Variants in GLYR1 observed in about 807,000 individuals in gnomAD.
GLYR1 encodes the protein glyoxylate reductase 1 homolog.
Under a neutral mutation model 72.7 loss-of-function variants are expected in GLYR1, and 21 were observed. The ratio of observed to expected loss-of-function variants is 0.29; its 90% CI spans 0.20 to 0.42. The LOEUF (loss-of-function observed/expected upper bound fraction) is 0.42. GLYR1 is among the 10% of genes least tolerant of loss of function. The pLI is 1.00. For missense variants in GLYR1, 594 were observed against 712.1 expected (o/e 0.83, Z 1.89); for synonymous variants, 392 against 270.2 (o/e 1.45, Z -4.42).
At chr16:4,814,390 C>A in intron 11 of GLYR1, 147 bp downstream of exon 11, 1 of 665,678 alleles carries the variant, frequency 1.5e-6, no homozygotes, top group Non-Finnish European at 2.7e-6. Flanking sequence ...AATGCAAACA[C>A]CCTTCACAAT....
intron 3 of GLYR1, among the ~76,000 whole-genome samples, chr16:4,835,368 A>G (rs2085063979): frequency 6.6e-6 from 1 of 152,176 alleles, no homozygotes; most frequent in Non-Finnish European, 1.5e-5. Context: ...CACTCACTTT[A>G]AAGCATTTGA....
At chr16:4,838,498 A>C (rs2085311910) in intron 3 of GLYR1, among the ~76,000 whole-genome samples, 1 of 152,164 alleles carries the variant, frequency 6.6e-6, no homozygotes, top group South Asian at 2.1e-4. Flanking sequence ...CAATCTGTTG[A>C]ACCGGTTGGT....
intron 5 of GLYR1, among the ~76,000 whole-genome samples, chr16:4,824,414 C>T (rs938060769): frequency 2.7e-5 from 4 of 150,038 alleles, no homozygotes; most frequent in African/African-American, 9.8e-5. Flanking sequence ...GCAGAAGAAT[C>T]GCTTGAACCG....
intron 12 of GLYR1, 116 bp from the exon 13 acceptor site, chr16:4,812,364 G>T: frequency 8.7e-7 from 1 of 1,146,186 alleles, no homozygotes; most frequent in African/African-American, 1.6e-5. Flanking sequence ...GAGCTGGAGG[G>T]GACGGCCACC....
chr16:4,843,365 G>T, intron 3 of GLYR1: 1 of 641,098 alleles, frequency 1.6e-6, no homozygotes, highest in Non-Finnish European at 2.1e-6. Flanking sequence ...ATGTTGGCCA[G>T]GATGGTCTCG....
At chr16:4,810,906 A>G (rs993980383) in intron 15 of GLYR1, among the ~76,000 whole-genome samples, 4 of 151,632 alleles carry the variant, frequency 2.6e-5, no homozygotes, top group African/African-American at 9.7e-5. Flanking sequence ...GGAGTTCGAG[A>G]CCAGCCTGAA....
At chr16:4,843,595 G>A (rs761682714) in intron 3 of GLYR1, 19 of 1,288,984 alleles carry the variant, frequency 1.5e-5, no homozygotes, top group Non-Finnish European at 1.9e-5. Context: ...AAATGGGGCT[G>A]GGTCTATCTG....
chr16:4,823,214 A>C (rs1218642594), intron 6 of GLYR1, among the ~76,000 whole-genome samples: 1 of 152,266 alleles, frequency 6.6e-6, no homozygotes, highest in Non-Finnish European at 1.5e-5. Context: ...ATTAACAAGC[A>C]TACCTGTGCT....
intron 3 of GLYR1, among the ~76,000 whole-genome samples, chr16:4,841,710 T>C (rs1335240900): frequency 6.6e-6 from 1 of 152,158 alleles, no homozygotes; most frequent in Non-Finnish European, 1.5e-5. Flanking sequence ...TTCAGGCTCC[T>C]TATGAGACTG....
chr16:4,846,854 G>C, intron 1 of GLYR1: 1 of 329,936 alleles, frequency 3.0e-6, no homozygotes, highest in South Asian at 3.4e-5. Context: ...GCCAGATCTC[G>C]CAGGTCCGGT....
chr16:4,807,569 C>T (rs2141937951), intron 15 of GLYR1, among the ~76,000 whole-genome samples: 1 of 152,272 alleles, frequency 6.6e-6, no homozygotes, highest in Middle Eastern at 3.4e-3. Context: ...AGAACCTAAC[C>T]TCTGAACTCC....
intron 9 of GLYR1, among the ~76,000 whole-genome samples, chr16:4,820,090 C>CG (rs1442421671): frequency 1.3e-5 from 2 of 152,042 alleles, no homozygotes; most frequent in Non-Finnish European, 2.9e-5. Context: ...CTCCACCTCC[C>CG]GGGTTCAAGC....
At chr16:4,808,186 A>C (rs1362761761) in intron 15 of GLYR1, among the ~76,000 whole-genome samples, 1 of 148,172 alleles carries the variant, frequency 6.7e-6, no homozygotes, top group East Asian at 2.0e-4. Flanking sequence ...CAGTGAACTG[A>C]GATCATGTCA....
At position 4,821,430 on chromosome 16, in the gene GLYR1, C is replaced by G; in HGVS notation, c.756G>C (p.Gln252His). Residue 252 changes from glutamine to histidine, a missense_variant, in exon 9 of 16, where the codon CAG becomes CAC. Gln to His is a conservative substitution (Grantham distance 24). Around this residue, in one of 5 missense-constraint regions of GLYR1, gnomAD observed 266 missense variants for 358.4 expected, o/e 0.74. Transcript: ENST00000321919. ...CEEETGSTSI[Q>H]AADSTAVNGS... Reference sequence around the variant, plus strand: ...CATTCACGGCTGTGCTGTCAGCTGCCTGGATGGAGGTGGAGCCAGTTTCCT... The same window carrying G: ...CATTCACGGCTGTGCTGTCAGCTGCGTGGATGGAGGTGGAGCCAGTTTCCT... The G allele has an allele frequency of 1.2e-6, 2 of 1,613,862 alleles. No homozygotes were observed. The highest frequency in any genetic ancestry group is 1.7e-6 in the Non-Finnish European group (2 of 1,180,056).
chr16:4,809,625 A>G (rs1480874308), intron 15 of GLYR1, among the ~76,000 whole-genome samples: 1 of 151,296 alleles, frequency 6.6e-6, no homozygotes, highest in Admixed American at 6.6e-5. Flanking sequence ...AAAAAAAAAA[A>G]AAAAAATCAT....
At chr16:4,817,053 C>T (rs2083685315) in intron 10 of GLYR1, among the ~76,000 whole-genome samples, 1 of 151,594 alleles carries the variant, frequency 6.6e-6, no homozygotes, top group Admixed American at 6.6e-5. Context: ...AAGTTATTCT[C>T]CTGCCTCAGC....
chr16:4,811,580 A>C, intron 14 of GLYR1, 43 bp downstream of exon 14: 1 of 1,607,964 alleles, frequency 6.2e-7, no homozygotes. Flanking sequence ...ACCCTGCTCT[A>C]ATCAAACACC....
chr16:4,817,702 A>T lies in GLYR1; in HGVS notation c.807-5T>A, dbSNP rs2083737561. 1 of 1,578,188 alleles carries T rather than the reference A, an allele frequency of 6.3e-7. No homozygotes were observed. The highest frequency in any genetic ancestry group is 8.7e-7 in the Non-Finnish European group (1 of 1,147,460). ...CCAAGGCCCAAAAATCCTATCCTGAAACAGAGAGAGACTGATGAGTTCAGG... is the reference window on the plus strand; with the variant it reads ...CCAAGGCCCAAAAATCCTATCCTGATACAGAGAGAGACTGATGAGTTCAGG... On this transcript the variant is annotated splice_polypyrimidine_tract_variant and splice_region_variant and intron_variant, in intron 9 of 15. Coordinates refer to ENST00000321919, the MANE Select transcript of GLYR1 (RefSeq NM_032569.4).
chr16:4,805,037 G>C lies in GLYR1; in HGVS notation c.*199C>G. 1.7e-6 allele frequency: 1 copy of C among 593,662 alleles called. No homozygotes were observed. The highest frequency in any genetic ancestry group is 3.0e-6 in the Non-Finnish European group (1 of 329,282). The allele number at this position is 593,662 out of a possible 1,614,324, so 36.8% of individuals were successfully genotyped here. A position where few individuals can be genotyped will look rare whatever the true frequency, so the allele number is the denominator to read the frequency against. On this transcript the variant is annotated 3_prime_UTR_variant, in exon 16 of 16. Coordinates refer to ENST00000321919, the MANE Select transcript of GLYR1 (RefSeq NM_032569.4). Reference sequence around the variant, plus strand: ...AAGAGCTTTCCCACACGCCAATCCTGCTGACACTTGTCCCCTCCCCACCGG... The same window carrying C: ...AAGAGCTTTCCCACACGCCAATCCTCCTGACACTTGTCCCCTCCCCACCGG...
Sources: allele counts gnomAD v4.1 joint callset (sites outside exome capture counted in the v4.1 genomes callset), GRCh38; gene constraint gnomAD v4.1.1; regional missense constraint gnomAD v4.1.1; transcripts MANE v1.5; gene names NCBI Gene and HGNC (gene_info 2026-07-23, HGNC 2026-07-21).